BRINP3: variants seen among roughly 807,000 people sequenced by gnomAD.
The protein encoded by BRINP3 is BMP/retinoic acid-inducible neural-specific protein 3.
In BRINP3, 19 loss-of-function variants were observed where a neutral mutation model predicts 71.0. The ratio of observed to expected loss-of-function variants is 0.27; its 90% confidence interval spans 0.19 to 0.39. BRINP3 has a LOEUF of 0.39. BRINP3 is among the 10% of genes least tolerant of loss of function. BRINP3 has a pLI of 1.00. For synonymous variants in BRINP3, 380 were observed against 337.7 expected (o/e 1.13, Z -1.37); for missense variants, 959 against 940.8 (o/e 1.02, Z -0.25).
At chr1:190,436,250 A>T (rs1674447027) in intron 2 of BRINP3, among the ~76,000 whole-genome samples, 1 of 151,932 alleles carries the variant, frequency 6.6e-6, no homozygotes, top group Admixed American at 6.6e-5. Context: ...GACAAATGGG[A>T]ATTAAAGGAC....
At chr1:190,300,374 T>C (rs1558159316) in intron 2 of BRINP3, among the ~76,000 whole-genome samples, 1 of 152,162 alleles carries the variant, frequency 6.6e-6, no homozygotes, top group African/African-American at 2.4e-5. Flanking sequence ...CTTCACGTAG[T>C]TCTCAAGACT....
intron 2 of BRINP3, among the ~76,000 whole-genome samples, chr1:190,402,058 C>T (rs534903606): frequency 1.3e-5 from 2 of 152,000 alleles, no homozygotes; most frequent in South Asian, 2.1e-4. Flanking sequence ...CTAAACCAGA[C>T]AGTTAACAGT....
chr1:190,276,574 C>T (rs1231491698), intron 3 of BRINP3, among the ~76,000 whole-genome samples: 1 of 150,782 alleles, frequency 6.6e-6, no homozygotes, highest in South Asian at 2.1e-4. Context: ...CACACACACA[C>T]ACAATATTTT....
intron 3 of BRINP3, among the ~76,000 whole-genome samples, chr1:190,269,421 G>C (rs1039908789): frequency 9.9e-5 from 15 of 151,998 alleles, no homozygotes; most frequent in Admixed American, 9.8e-4. Context: ...TCATGAATTA[G>C]AACAAGTAAA....
At chr1:190,200,034 G>C (rs1314383689) in intron 6 of BRINP3, among the ~76,000 whole-genome samples, 1 of 152,010 alleles carries the variant, frequency 6.6e-6, no homozygotes, top group East Asian at 1.9e-4. Flanking sequence ...TATTCTCCTA[G>C]ATGTAGTTCA....
At position 190,454,663 on chromosome 1, in the gene BRINP3, C is replaced by T. The variant is rs576477934; in HGVS notation, c.228G>A (p.Lys76=). 2 of 1,613,540 alleles carry T rather than the reference C, an allele frequency of 1.2e-6. No individual in the cohort carries two copies. Among genetic ancestry groups the T allele is most frequent in the Admixed American group, 3.3e-5 (2 of 59,988 alleles). The change falls in exon 2 of 8, where the codon AAG becomes AAA. Residue 76 remains lysine, a synonymous_variant. Transcript: ENST00000367462. ...TTCCCTTTGCTTCATACCTGTATAT[C>T]TTGTATCTTGTGCTAAATCCCTGCC... ...RSRQGFSTRY[K]IYREFGRWKV...
chr1:190,306,793 T>C (rs1024888766), intron 2 of BRINP3, among the ~76,000 whole-genome samples: 7 of 151,944 alleles, frequency 4.6e-5, no homozygotes, highest in African/African-American at 1.7e-4. Context: ...AAGTGGGTTA[T>C]ATAAATGTAA....
intron 6 of BRINP3, among the ~76,000 whole-genome samples, chr1:190,223,371 C>G (rs1657057490): frequency 6.6e-6 from 1 of 151,876 alleles, no homozygotes; most frequent in African/African-American, 2.4e-5. Context: ...TGCAAATCAA[C>G]AAACGTGATG....
At chr1:190,183,875 G>A (rs1653264867) in intron 6 of BRINP3, among the ~76,000 whole-genome samples, 1 of 152,100 alleles carries the variant, frequency 6.6e-6, no homozygotes, top group Admixed American at 6.6e-5. Flanking sequence ...TTTAATGACA[G>A]GAGTAGGTTA....
chr1:190,292,494 A>T (rs1340971894), intron 2 of BRINP3, among the ~76,000 whole-genome samples: 2 of 152,018 alleles, frequency 1.3e-5, no homozygotes, highest in African/African-American at 4.8e-5. Context: ...ACAAAAAAAT[A>T]AAAAATAGCT....
chr1:190,383,469 C>T (rs2102262372), intron 2 of BRINP3, among the ~76,000 whole-genome samples: 1 of 152,106 alleles, frequency 6.6e-6, no homozygotes, highest in Non-Finnish European at 1.5e-5. Flanking sequence ...TACCCTTGTT[C>T]CCTAAAAATT....
intron 2 of BRINP3, among the ~76,000 whole-genome samples, chr1:190,431,126 G>T (rs1674071582): frequency 2.0e-5 from 3 of 151,936 alleles, no homozygotes; most frequent in Non-Finnish European, 4.4e-5. Context: ...AAAGCATAGT[G>T]CATTTCTGAA....
At chr1:190,334,769 G>A (rs890583242) in intron 2 of BRINP3, among the ~76,000 whole-genome samples, 6 of 151,754 alleles carry the variant, frequency 4.0e-5, no homozygotes, top group Non-Finnish European at 7.4e-5. Flanking sequence ...GCAGGGTATT[G>A]AAATAATAAG....
At chr1:190,200,703 T>C (rs1371824446) in intron 6 of BRINP3, among the ~76,000 whole-genome samples, 1 of 152,052 alleles carries the variant, frequency 6.6e-6, no homozygotes, top group African/African-American at 2.4e-5. Flanking sequence ...TAGGAGATGA[T>C]TGAATCATGG....
intron 2 of BRINP3, among the ~76,000 whole-genome samples, chr1:190,370,011 CA>C (rs533022718): frequency 5.2e-4 from 79 of 152,218 alleles, no homozygotes; most frequent in African/African-American, 1.9e-3. Flanking sequence ...TTTCTAGTAT[CA>C]TACTCCTCAG....
At chr1:190,103,891 C>T (rs1408484390) in intron 7 of BRINP3, among the ~76,000 whole-genome samples, 4 of 151,470 alleles carry the variant, frequency 2.6e-5, no homozygotes, top group African/African-American at 9.7e-5. Context: ...GAACATCTCT[C>T]ATTCTGGGGC....
chr1:190,422,760 C>T (rs1673466048), intron 2 of BRINP3, among the ~76,000 whole-genome samples: 1 of 151,798 alleles, frequency 6.6e-6, no homozygotes, highest in Admixed American at 6.6e-5. Flanking sequence ...CATTCGAAAA[C>T]TAGAGTATTT....
At chr1:190,277,405 C>G (rs1049401213) in intron 3 of BRINP3, among the ~76,000 whole-genome samples, 2 of 151,274 alleles carry the variant, frequency 1.3e-5, no homozygotes, top group African/African-American at 4.8e-5. Flanking sequence ...TTCCTGGCTA[C>G]TATGACTGGT....
chr1:190,232,135 T>C (rs928307287), intron 5 of BRINP3, among the ~76,000 whole-genome samples: 11 of 151,984 alleles, frequency 7.2e-5, no homozygotes, highest in African/African-American at 2.7e-4. Flanking sequence ...CTATCATCTA[T>C]ACCTATATCC....
Sources: allele counts gnomAD v4.1 joint callset (sites outside exome capture counted in the v4.1 genomes callset), GRCh38; gene constraint gnomAD v4.1.1; transcripts MANE v1.5; gene names NCBI Gene and HGNC (gene_info 2026-07-23, HGNC 2026-07-21).